AKAP1: variants seen among roughly 807,000 people sequenced by gnomAD.
The protein encoded by AKAP1 is A-kinase anchor protein 1, mitochondrial.
Under a neutral mutation model 79.8 loss-of-function variants are expected in AKAP1, and 32 were observed. That is an observed-to-expected ratio of 0.40 (90% CI 0.30 to 0.54). The LOEUF (loss-of-function observed/expected upper bound fraction) is 0.54. Ranked by LOEUF, AKAP1 falls within the 20% of genes least tolerant of loss-of-function variation. The pLI is 0.47. For missense variants in AKAP1, 961 were observed against 1,138.9 expected (o/e 0.84, Z 2.25); for synonymous variants, 416 against 466.7 (o/e 0.89, Z 1.40).
chr17:57,112,437 G>A, intron 4 of AKAP1, 54 bp from the exon 5 acceptor site: 22 of 1,586,598 alleles, frequency 1.4e-5, no homozygotes, highest in Non-Finnish European at 1.8e-5. Context: ...TGTGAGTGTG[G>A]GTGTGAGTTT....
At position 57,105,972 on chromosome 17, in the gene AKAP1, C is replaced by T; in HGVS notation, c.508C>T (p.Pro170Ser). The T allele has an allele frequency of 6.2e-7, 1 of 1,614,228 alleles. No homozygotes were observed. The highest frequency in any genetic ancestry group is 8.5e-7 in the Non-Finnish European group (1 of 1,180,044). ...AGCTGAGGTGTGTAAGCAAGATTCCCCCTTCAGCAGGGTGCCAAGGAAGGT... is the reference window on the plus strand; with the variant it reads ...AGCTGAGGTGTGTAAGCAAGATTCCTCCTTCAGCAGGGTGCCAAGGAAGGT... ...KSAEVCKQDS[P>S]FSRVPRKVQP... is the part of the protein sequence containing the mutation. The change falls in exon 2 of 11, where the codon CCC becomes TCC. Residue 170 changes from proline to serine, a missense_variant. By Grantham distance (74) the Pro-to-Ser change is moderately conservative. Coordinates refer to ENST00000337714, the MANE Select transcript of AKAP1 (RefSeq NM_003488.4).
In AKAP1 at chr17:57,118,348, G is replaced by T. The variant is rs767890515; in HGVS notation, c.2501-33G>T. Reference sequence around the variant, plus strand: ...ACAAGGGTGCCTTGCCTCAGTGAGAGCCTAAATGCCGCTTTTCCTTTTCCT... The same window carrying T: ...ACAAGGGTGCCTTGCCTCAGTGAGATCCTAAATGCCGCTTTTCCTTTTCCT... On this transcript the variant is annotated intron_variant, in intron 8 of 10. Coordinates refer to ENST00000337714, the MANE Select transcript of AKAP1 (RefSeq NM_003488.4). 3.1e-6 allele frequency: 5 copies of T among 1,609,522 alleles called. No individual in the cohort carries two copies. In the African/African-American group the frequency reaches 5.3e-5, roughly 17 times the overall value.
At chr17:57,100,490 G>A (rs1359836602) in intron 1 of AKAP1, among the ~76,000 whole-genome samples, 1 of 150,664 alleles carries the variant, frequency 6.6e-6, no homozygotes, top group South Asian at 2.1e-4. Flanking sequence ...GGTGCCGTGT[G>A]CCTGTAATCC....
At chr17:57,112,773 G>A (rs1169737601) in intron 5 of AKAP1, among the ~76,000 whole-genome samples, 155 bp downstream of exon 5, 1 of 152,244 alleles carries the variant, frequency 6.6e-6, no homozygotes, top group Non-Finnish European at 1.5e-5. Context: ...TCTGCTATGG[G>A]ACTGTGTTCT....
At chr17:57,110,182 G>A (rs773005211) in intron 3 of AKAP1, 24 bp downstream of exon 3, 110 of 1,612,322 alleles carry the variant, frequency 6.8e-5, no homozygotes, top group Non-Finnish European at 7.7e-5. Flanking sequence ...CCCCCAGGCT[G>A]GTTCTGTGGT....
chr17:57,109,776 G>T (rs1915120375), intron 2 of AKAP1, among the ~76,000 whole-genome samples: 1 of 152,196 alleles, frequency 6.6e-6, no homozygotes, highest in Non-Finnish European at 1.5e-5. Flanking sequence ...CTGTGGCTGG[G>T]TGCGGCTGCC....
intron 1 of AKAP1, among the ~76,000 whole-genome samples, chr17:57,088,745 G>C (rs1452895945): frequency 6.6e-6 from 1 of 152,214 alleles, no homozygotes; most frequent in African/African-American, 2.4e-5. Context: ...TAGCTTTCAA[G>C]GTGTCCTTTG....
intron 10 of AKAP1, among the ~76,000 whole-genome samples, chr17:57,120,034 C>T (rs1288452533): frequency 6.6e-6 from 1 of 151,766 alleles, no homozygotes; most frequent in African/African-American, 2.4e-5. Context: ...CCATGTTGGC[C>T]AGGCTGGTCT....
At chr17:57,117,000 C>G in intron 8 of AKAP1, 73 bp downstream of exon 8, 1 of 1,389,816 alleles carries the variant, frequency 7.2e-7, no homozygotes, top group South Asian at 1.2e-5. Flanking sequence ...TCAGAGCCTC[C>G]GTTCTCACCT....
intron 1 of AKAP1, among the ~76,000 whole-genome samples, chr17:57,097,446 C>T (rs1914189341): frequency 1.3e-5 from 2 of 152,232 alleles, no homozygotes; most frequent in Non-Finnish European, 2.9e-5. Flanking sequence ...TAGGTAAATG[C>T]ATCTGATACA....
At chr17:57,107,327 C>T (rs535155516) in intron 2 of AKAP1, 149 bp downstream of exon 2, 341 of 1,101,332 alleles carry the variant, frequency 3.1e-4, no homozygotes, top group Non-Finnish European at 3.8e-4. Context: ...GGTCTGGACA[C>T]GGCGTAGAGC....
rs376966029 is a variant in AKAP1 at position 57,107,150 on chromosome 17, C to T, written c.1686C>T (p.Thr562=). The T allele has an allele frequency of 3.1e-6, 5 of 1,610,880 alleles. No individual in the cohort carries two copies. In the South Asian group the frequency reaches 5.5e-5, roughly 18 times the overall value. The change falls in exon 2 of 11, where the codon ACC becomes ACT. Residue 562 remains threonine (T), a synonymous_variant. Coordinates refer to ENST00000337714, the MANE Select transcript of AKAP1 (RefSeq NM_003488.4). ...LSDLGAEDGW[T]MDAEADHSGG... ...ACTTGGGGGCTGAGGATGGATGGAC[C>T]ATGGATGCGGAAGCAGATCATTCAG...
chr17:57,116,196 G>A lies in AKAP1; in HGVS notation c.2367G>A (p.Val789=), dbSNP rs768417216. The change falls in exon 7 of 11, where the codon GTG becomes GTA. Residue 789 remains valine, a synonymous_variant. Coordinates refer to ENST00000337714, the MANE Select transcript of AKAP1 (RefSeq NM_003488.4). ...CCTCCTACGAGGAGACCAACGAAGT[G>A]GAGATTCGATACGTGGACTACGGCG... The part of the protein sequence containing the change: ...VVASYEETNE[V]EIRYVDYGGY... 5 of 1,614,210 alleles carry A rather than the reference G, an allele frequency of 3.1e-6. No individual in the cohort carries two copies. Among genetic ancestry groups the A allele is most frequent in the Non-Finnish European group, 3.4e-6 (4 of 1,180,032 alleles).
rs1861583844 is a variant in AKAP1 at position 57,086,321 on chromosome 17, G to A, written c.-25+923G>A. On this transcript the variant is annotated intron_variant, in intron 1 of 10. Coordinates refer to ENST00000337714, the MANE Select transcript of AKAP1 (RefSeq NM_003488.4). The surrounding 1 kb of genome is among the most constrained non-coding windows in gnomAD (Gnocchi z 5.1). ...TGGATGCCTCGAACGCGGGCTTTCT[G>A]GCGTTCAACTCTTTTGTGCCCTAGC... is the stretch of plus-strand genomic sequence containing the variant. 1 of 414,976 alleles carries A rather than the reference G, an allele frequency of 2.4e-6. No homozygotes were observed. The highest frequency in any genetic ancestry group is 2.1e-5 in the African/African-American group (1 of 47,756). The allele number at this position is 414,976 out of a possible 1,614,324, so 25.7% of individuals were successfully genotyped here.
rs1317549403 is a variant in AKAP1 at position 57,120,449 on chromosome 17, T to C, written c.*125T>C. The C allele has an allele frequency of 1.3e-6, 1 of 767,264 alleles. No homozygotes were observed. Among genetic ancestry groups the C allele is most frequent in the Non-Finnish European group, 2.1e-6 (1 of 474,372 alleles). The allele number at this position is 767,264 out of a possible 1,614,324, so 47.5% of individuals were successfully genotyped here. A position where few individuals can be genotyped will look rare whatever the true frequency, so the allele number is the denominator to read the frequency against. ...CAGAAAGTCCTTTCTTTCTCCATAC[T>C]GTAGTCCTATTGAGAAGACATTTCG... On this transcript the variant is annotated 3_prime_UTR_variant, in exon 11 of 11. Coordinates refer to ENST00000337714, the MANE Select transcript of AKAP1 (RefSeq NM_003488.4).
Position 57,096,876 on chromosome 17 carries a change from G to T in AKAP1, c.-24-8565G>T, listed in dbSNP as rs74776597. The T allele has an allele frequency of 3.4e-3, 524 of 152,332 alleles. 1 individual carries two copies. Among genetic ancestry groups the T allele is most frequent in the Non-Finnish European group, 6.1e-3 (416 of 68,066 alleles). 9.4% of individuals were successfully genotyped at this position (152,332 alleles called of 1,614,324 possible). Reference sequence around the variant, plus strand: ...GGTAGCTGCCAGCTGCAGGTGGAGAGTTCAAGTTAACCTAAAGTAGAATTC... The same window carrying T: ...GGTAGCTGCCAGCTGCAGGTGGAGATTTCAAGTTAACCTAAAGTAGAATTC... On this transcript the variant is annotated intron_variant, in intron 1 of 10. Transcript: ENST00000337714.
At chr17:57,104,050 C>A (rs530624612) in intron 1 of AKAP1, among the ~76,000 whole-genome samples, 2 of 152,024 alleles carry the variant, frequency 1.3e-5, no homozygotes, top group East Asian at 1.9e-4. Context: ...CCTCCACCCC[C>A]CTGGATTCAA....
chr17:57,108,093 T>C (rs1022745410), intron 2 of AKAP1: 1 of 1,095,248 alleles, frequency 9.1e-7, no homozygotes. Context: ...CTGGGGTGTT[T>C]TCATTTATCT....
chr17:57,109,927 C>T, intron 2 of AKAP1, 98 bp from the exon 3 acceptor site: 3 of 1,512,450 alleles, frequency 2.0e-6, no homozygotes, highest in Non-Finnish European at 2.7e-6. Context: ...GGGTGTGGGG[C>T]AGGGCCTCCT....
Sources: gnomAD v4.1 joint callset for allele counts (sites outside exome capture counted in the v4.1 genomes callset) on GRCh38, gnomAD v4.1.1 for gene constraint, Gnocchi (gnomAD v3.1) non-coding constraint, MANE v1.5 for transcripts, NCBI Gene and HGNC (gene_info 2026-07-23, HGNC 2026-07-21) for gene names.